RNGTT: variants seen among roughly 807,000 people sequenced by gnomAD.
The protein encoded by RNGTT is RNA guanylyltransferase and 5'-phosphatase, also known as mRNA-capping enzyme.
Under a neutral mutation model 79.3 loss-of-function variants are expected in RNGTT, and 33 were observed. The observed-to-expected ratio is 0.42, with a 90% CI of 0.32 to 0.56. The LOEUF (loss-of-function observed/expected upper bound fraction) is 0.56, where lower values mean the gene tolerates loss of function less well. RNGTT is among the 20% of genes least tolerant of loss of function. The pLI is 0.17. For missense variants in RNGTT, 497 were observed against 739.1 expected (o/e 0.67, Z 3.80); for synonymous variants, 222 against 235.9 (o/e 0.94, Z 0.54).
chr6:88,844,717 A>C (rs999158039), intron 10 of RNGTT, among the ~76,000 whole-genome samples, 196 bp from the exon 11 acceptor site: 3 of 151,658 alleles, frequency 2.0e-5, no homozygotes, highest in Middle Eastern at 3.4e-3. Context: ...TAAACACACA[A>C]AGAGACTTAT....
At chr6:88,929,977 TA>T (rs1784446002) in intron 2 of RNGTT, among the ~76,000 whole-genome samples, 1 of 147,080 alleles carries the variant, frequency 6.8e-6, no homozygotes, top group South Asian at 2.2e-4. Context: ...TATACATGCA[TA>T]TGTGCATATA....
intron 8 of RNGTT, among the ~76,000 whole-genome samples, chr6:88,888,828 G>A (rs1166786457): frequency 6.6e-6 from 1 of 152,140 alleles, no homozygotes; most frequent in South Asian, 2.1e-4. Flanking sequence ...TAGGGAGTTC[G>A]AGACCAGCCT....
intron 4 of RNGTT, among the ~76,000 whole-genome samples, chr6:88,917,856 T>C (rs1431928602): frequency 6.6e-6 from 1 of 151,826 alleles, no homozygotes; most frequent in South Asian, 2.1e-4. Context: ...CACTGCACTC[T>C]AGCCTGGGCG....
At chr6:88,705,941 T>C (rs893442625) in intron 13 of RNGTT, among the ~76,000 whole-genome samples, 10 of 138,690 alleles carry the variant, frequency 7.2e-5, no homozygotes, top group Admixed American at 4.7e-4. Context: ...AGGAGTCTAA[T>C]GTGATTATAT....
chr6:88,810,345 G>A (rs1417790856), intron 11 of RNGTT, among the ~76,000 whole-genome samples: 1 of 152,160 alleles, frequency 6.6e-6, no homozygotes, highest in Non-Finnish European at 1.5e-5. Context: ...TATCAAAGCA[G>A]TATGTCCAAA....
chr6:88,625,010 A>AT (rs1375279305), intron 14 of RNGTT, among the ~76,000 whole-genome samples: 3 of 151,940 alleles, frequency 2.0e-5, no homozygotes, highest in Admixed American at 2.0e-4. Context: ...GAAAATGCAA[A>AT]TTAAAATCAC....
At chr6:88,917,844 G>C (rs1784046921) in intron 4 of RNGTT, among the ~76,000 whole-genome samples, 1 of 152,030 alleles carries the variant, frequency 6.6e-6, no homozygotes, top group African/African-American at 2.4e-5. Flanking sequence ...CTGAGATCAT[G>C]CCACTGCACT....
intron 13 of RNGTT, among the ~76,000 whole-genome samples, chr6:88,718,821 A>G (rs1219306344): frequency 1.3e-5 from 2 of 152,212 alleles, no homozygotes; most frequent in Non-Finnish European, 2.9e-5. Flanking sequence ...GAAGTAGATT[A>G]TATGAGGAAA....
intron 11 of RNGTT, among the ~76,000 whole-genome samples, chr6:88,833,221 A>T (rs184173417): frequency 1.4e-4 from 22 of 152,320 alleles, no homozygotes; most frequent in African/African-American, 5.1e-4. Flanking sequence ...TGGCACATAG[A>T]CACCATGGAA....
chr6:88,806,019 A>T (rs753870042), intron 11 of RNGTT, among the ~76,000 whole-genome samples: 1 of 152,142 alleles, frequency 6.6e-6, no homozygotes, highest in Admixed American at 6.6e-5. Context: ...CTCCCCACCC[A>T]CAAATGAAGC....
intron 12 of RNGTT, among the ~76,000 whole-genome samples, chr6:88,778,498 T>G (rs2127847805): frequency 6.6e-6 from 1 of 152,294 alleles, no homozygotes; most frequent in East Asian, 1.9e-4. Flanking sequence ...TTTTTAAAAT[T>G]AGATATGGAG....
In RNGTT at chr6:88,963,573, CT is replaced by C; in HGVS notation, c.-165del. 1.7e-6 allele frequency: 1 copy of C among 605,000 alleles called. No individual in the cohort carries two copies. The highest frequency in any genetic ancestry group is 2.7e-6 in the Non-Finnish European group (1 of 369,316). The allele number at this position is 605,000 out of a possible 1,614,324, so 37.5% of individuals were successfully genotyped here. A position where few individuals can be genotyped will look rare whatever the true frequency, so the allele number is the denominator to read the frequency against. On this transcript the variant is annotated 5_prime_UTR_variant, in exon 1 of 16. The change abolishes the stop of an existing upstream ORF in the 5' untranslated region. Transcript: ENST00000369485. ...GGGTAACGTCAGGGGCGGCGCGCCA[CT>C]TTCATTCAGGATCAACTCCACAGCT...
chr6:88,913,967 A>G (rs1783916418), intron 4 of RNGTT, among the ~76,000 whole-genome samples: 1 of 152,206 alleles, frequency 6.6e-6, no homozygotes, highest in African/African-American at 2.4e-5. Flanking sequence ...TACAAAAATC[A>G]ATAGCATTTC....
Position 88,952,084 on chromosome 6 carries a change from G to A in RNGTT, c.65-10904C>T, listed in dbSNP as rs77789575. On this transcript the variant is annotated intron_variant, in intron 1 of 15. Transcript: ENST00000369485. ...GGCAAGGTCTGAGGAGTGAGGGGGT[G>A]CACCACAGAAGTAAGACCAGCCTCA... is the stretch of plus-strand genomic sequence containing the variant. Among the ~76,000 whole-genome samples, 36 of 152,230 alleles carry A rather than the reference G, an allele frequency of 2.4e-4. No homozygotes were observed. The East Asian group carries it at 6.0e-3, about 25-fold the overall frequency.
At chr6:88,623,184 C>G (rs9451035) in intron 14 of RNGTT, among the ~76,000 whole-genome samples, 4,541 of 151,488 alleles carry the variant, frequency 0.03, 229 homozygotes, top group African/African-American at 0.1. Flanking sequence ...TGATTAACAA[C>G]GTGTCCAAAG....
intron 13 of RNGTT, among the ~76,000 whole-genome samples, chr6:88,698,443 T>C (rs1775831766): frequency 6.6e-6 from 1 of 150,864 alleles, no homozygotes; most frequent in South Asian, 2.1e-4. Context: ...ATCAGCCTAC[T>C]GAGTTAGTTT....
chr6:88,915,421 G>A (rs1226576030), intron 4 of RNGTT, among the ~76,000 whole-genome samples: 1 of 152,178 alleles, frequency 6.6e-6, no homozygotes, highest in Admixed American at 6.5e-5. Flanking sequence ...ATATACCATA[G>A]AATACTATGC....
chr6:88,684,192 A>C (rs973251397), intron 13 of RNGTT, among the ~76,000 whole-genome samples: 5 of 152,164 alleles, frequency 3.3e-5, no homozygotes, highest in Non-Finnish European at 7.4e-5. Flanking sequence ...ATACTACAAC[A>C]CACCTATGAG....
chr6:88,781,280 T>G (rs1156485386), intron 12 of RNGTT, among the ~76,000 whole-genome samples: 1 of 152,166 alleles, frequency 6.6e-6, no homozygotes, highest in Non-Finnish European at 1.5e-5. Context: ...ACCAGAGATA[T>G]CTAAAAACAC....
Sources: allele counts gnomAD v4.1 joint callset (sites outside exome capture counted in the v4.1 genomes callset), GRCh38; gene constraint gnomAD v4.1.1; transcripts MANE v1.5; gene names NCBI Gene and HGNC (gene_info 2026-07-23, HGNC 2026-07-21).